CEP78: variants seen among roughly 807,000 people sequenced by gnomAD.
CEP78 encodes the protein centrosomal protein 78, also known as centrosomal protein of 78 kDa.
In CEP78, 76 loss-of-function variants were observed where a neutral mutation model predicts 81.2. That is an observed-to-expected ratio of 0.94 (90% CI 0.78 to 1.13). The LOEUF (loss-of-function observed/expected upper bound fraction) is 1.13. Ranked by LOEUF, CEP78 falls within the 50% of genes most tolerant of loss-of-function variation. The probability of loss-of-function intolerance (pLI) is 0.00; values close to 1 mark genes in which losing one functional copy is unlikely to be tolerated. For synonymous variants in CEP78, 293 were observed against 301.4 expected (o/e 0.97, Z 0.29); for missense variants, 918 against 846.8 (o/e 1.08, Z -1.04).
rs746668466 is a variant in CEP78, at chr9:78,266,517, G to A, written c.1921G>A (p.Gly641Ser). Residue 641 changes from glycine (G) to serine (S), a missense_variant, in exon 16 of 17, where the codon GGC (glycine) becomes AGC (serine). By Grantham distance (56) the Gly-to-Ser change is moderately conservative. Transcript: ENST00000643273. ...SFPVPVSTPE[G>S]LGTSSNNLGV... ...TCCTGTCCCAGTTTCTACTCCAGAG[G>A]GCTTAGGAACTTCCAGCAACAACCT... The A allele has an allele frequency of 6.8e-6, 11 of 1,613,664 alleles. No individual in the cohort carries two copies. Among genetic ancestry groups the A allele is most frequent in the Middle Eastern group, 1.6e-4 (1 of 6,084 alleles).
intron 16 of CEP78, among the ~76,000 whole-genome samples, chr9:78,268,771 C>G (rs892067986): frequency 1.3e-5 from 2 of 151,342 alleles, no homozygotes; most frequent in African/African-American, 4.9e-5. Context: ...CAAGCTCCGC[C>G]TCAGCCTCCC....
chr9:78,249,667 C>T (rs1302296368), intron 8 of CEP78: 1 of 150,310 alleles, frequency 6.7e-6, no homozygotes, highest in African/African-American at 2.4e-5. Flanking sequence ...TTTAAAGAGT[C>T]TTTAACTTTT....
At chr9:78,246,607 CA>C (rs1038372942) in intron 5 of CEP78, 61 bp from the exon 6 acceptor site, 2 of 1,079,768 alleles carry the variant, frequency 1.9e-6, no homozygotes, top group African/African-American at 1.6e-5. Flanking sequence ...CTCAAAAAAA[CA>C]AACAAACAAA....
intron 10 of CEP78, chr9:78,253,551 C>T (rs1438515921): frequency 2.8e-6 from 1 of 359,606 alleles, no homozygotes; most frequent in Non-Finnish European, 5.1e-6. Context: ...ATTTGACCAC[C>T]ATTTCTCACC....
chr9:78,253,413 G>C (rs1669524979), intron 10 of CEP78, 136 bp downstream of exon 10: 6 of 629,154 alleles, frequency 9.5e-6, no homozygotes, highest in Non-Finnish European at 2.9e-6. Context: ...AAAATTTTCT[G>C]GGTTCTCCCG....
At chr9:78,252,142 TA>T in intron 9 of CEP78, 99 bp downstream of exon 9, 1 of 1,103,058 alleles carries the variant, frequency 9.1e-7, no homozygotes, top group Non-Finnish European at 1.3e-6. Context: ...CTTATGTCTG[TA>T]GGGTAAAAAT....
intron 11 of CEP78, 122 bp downstream of exon 11, chr9:78,255,086 T>A (rs1826957560): frequency 1.5e-6 from 1 of 672,866 alleles, no homozygotes; most frequent in Non-Finnish European, 2.4e-6. Context: ...CTTCCTTCTA[T>A]CTCATATCCC....
intron 11 of CEP78, among the ~76,000 whole-genome samples, chr9:78,257,115 A>G (rs968322739): frequency 6.6e-6 from 1 of 152,084 alleles, no homozygotes. Flanking sequence ...CAAAAAAAAA[A>G]ACTATAAGAA....
Position 78,250,239 on chromosome 9 carries a change from G to A in CEP78, c.1069+1366G>A, listed in dbSNP as rs1244765392. The A allele has an allele frequency of 2.0e-5, 8 of 397,950 alleles. No individual in the cohort carries two copies. The East Asian group carries it at 2.9e-4, about 14-fold the overall frequency. The allele number at this position is 397,950 out of a possible 1,614,324, so 24.7% of individuals were successfully genotyped here. A position where few individuals can be genotyped will look rare whatever the true frequency, so the allele number is the denominator to read the frequency against. On this transcript the variant is annotated intron_variant, in intron 8 of 16. Coordinates refer to ENST00000643273, the MANE Select transcript of CEP78 (RefSeq NM_001330691.3). ...TATTTCTTGGGCTTTTTTTGTATTT[G>A]CCTCAGTAATTTGGAGACACAGAGG... is the stretch of plus-strand genomic sequence containing the variant.
chr9:78,264,310 A>T lies in CEP78; in HGVS notation c.1619A>T (p.Asp540Val), dbSNP rs1249025592. ...CATGCTTTCTTGGATCTCCTTAAAGATGCTGGGTTAGTTACTTTCTCCCTA... is the reference window on the plus strand; with the variant it reads ...CATGCTTTCTTGGATCTCCTTAAAGTTGCTGGGTTAGTTACTTTCTCCCTA... Reference protein sequence around the residue: ...KFHAFLDLLKDAGLGQLATMA... With the variant: ...KFHAFLDLLKVAGLGQLATMA... The change falls in exon 13 of 17, where the codon GAT (aspartate) becomes GTT (valine). Residue 540 changes from aspartate to valine, a missense_variant. Physicochemically the swap from Asp to Val is radical, Grantham distance 152. Transcript: ENST00000643273. 1.9e-6 allele frequency: 3 copies of T among 1,613,074 alleles called. No homozygotes were observed. Among genetic ancestry groups the T allele is most frequent in the East Asian group, 4.5e-5 (2 of 44,774 alleles).
rs1394402195 is a variant in CEP78 at position 78,237,053 on chromosome 9, T to G, written c.253+450T>G. ...TGGAATGCAGTGGCAAGATCTCGGC[T>G]CACTGCAACCTCCGCCTCCCGGGTT... On this transcript the variant is annotated intron_variant, in intron 1 of 16. Transcript: ENST00000643273. 2.2e-5 allele frequency among the ~76,000 whole-genome samples: 3 copies of G among 134,740 alleles called. No homozygotes were observed. In the East Asian group the frequency reaches 7.3e-4, roughly 33 times the overall value. The allele number at this position is 134,740 out of a possible 152,430, so 88.4% of individuals were successfully genotyped here.
intron 6 of CEP78, 114 bp from the exon 7 acceptor site, chr9:78,248,177 A>C: frequency 3.1e-4 from 202 of 661,196 alleles, no homozygotes; most frequent in Middle Eastern, 4.1e-4. Context: ...ATTATGTGGA[A>C]TTCATATTCA....
At chr9:78,253,812 G>T (rs974134083) in intron 10 of CEP78, 3 of 152,360 alleles carry the variant, frequency 2.0e-5, no homozygotes, top group African/African-American at 7.2e-5. Context: ...CTTTTCAGTT[G>T]TTTTTAGAGA....
chr9:78,246,639 A>G (rs1826496043), intron 5 of CEP78, 30 bp from the exon 6 acceptor site: 1 of 1,358,310 alleles, frequency 7.4e-7, no homozygotes, highest in Non-Finnish European at 1.0e-6. Flanking sequence ...GTATAGAATT[A>G]GCAAGTGACC....
Position 78,273,167 on chromosome 9 carries a change from T to A in CEP78, c.*2316T>A, listed in dbSNP as rs1827730167. 1 of 152,188 alleles carries A rather than the reference T, an allele frequency of 6.6e-6. No homozygotes were observed. The highest frequency in any genetic ancestry group is 1.5e-5 in the Non-Finnish European group (1 of 68,024). 9.4% of individuals were successfully genotyped at this position (152,188 alleles called of 1,614,324 possible). The stretch of plus-strand genomic sequence containing the variant: ...GCAAGATCAAGTTTTTTACTCATAA[T>A]AAACATGAACAGGTTAAATTCTGGA... On this transcript the variant is annotated 3_prime_UTR_variant, in exon 17 of 17. Transcript: ENST00000643273.
Position 78,276,890 on chromosome 9 carries a change from T to C in CEP78, c.*6039T>C, listed in dbSNP as rs780205799. ...CACAGTAAAGCTTTTTAAATGGATG[T>C]AATAACCTGATTATAACATTAATCT... is the stretch of plus-strand genomic sequence containing the variant. On this transcript the variant is annotated 3_prime_UTR_variant, in exon 17 of 17. Transcript: ENST00000643273. The C allele has an allele frequency of 7.2e-5, 11 of 152,200 alleles. No homozygotes were observed. Among genetic ancestry groups the C allele is most frequent in the Non-Finnish European group, 1.3e-4 (9 of 68,026 alleles). The allele number at this position is 152,200 out of a possible 1,614,324, so 9.4% of individuals were successfully genotyped here.
chr9:78,237,208 TGA>T (rs1825997746), intron 1 of CEP78, among the ~76,000 whole-genome samples: 1 of 151,950 alleles, frequency 6.6e-6, no homozygotes, highest in African/African-American at 2.4e-5. Context: ...CTCGAACTCC[TGA>T]CCTCAGGTGA....
chr9:78,271,913 CT>C lies in CEP78; in HGVS notation c.*1072del, dbSNP rs201745595. ...CTTTCTTTTCTTTTTTTCTTTTTTT[CT>C]TTTTTTTTTGAGACGGAGTCTCGCT... On this transcript the variant is annotated 3_prime_UTR_variant, in exon 17 of 17. Coordinates refer to ENST00000643273, the MANE Select transcript of CEP78 (RefSeq NM_001330691.3). 9.5e-5 allele frequency: 14 copies of C among 147,776 alleles called. No homozygotes were observed. The highest frequency in any genetic ancestry group is 2.0e-4 in the Admixed American group (3 of 14,902). 9.2% of individuals were successfully genotyped at this position (147,776 alleles called of 1,614,324 possible).
At position 78,276,219 on chromosome 9, in the gene CEP78, G is replaced by A. The variant is rs762798700; in HGVS notation, c.*5368G>A. On this transcript the variant is annotated 3_prime_UTR_variant, in exon 17 of 17. Coordinates refer to ENST00000643273, the MANE Select transcript of CEP78 (RefSeq NM_001330691.3). ...TGTACCAAAACATGCAAGATTGAGT[G>A]AAGAGTAACTCACTGTAGCTCACTA... 5.3e-5 allele frequency: 8 copies of A among 152,182 alleles called. No individual in the cohort carries two copies. Among genetic ancestry groups the A allele is most frequent in the Non-Finnish European group, 1.0e-4 (7 of 68,040 alleles). The allele number at this position is 152,182 out of a possible 1,614,324, so 9.4% of individuals were successfully genotyped here.
Sources: allele counts gnomAD v4.1 joint callset (sites outside exome capture counted in the v4.1 genomes callset), GRCh38; gene constraint gnomAD v4.1.1; transcripts MANE v1.5; gene names NCBI Gene and HGNC (gene_info 2026-07-23, HGNC 2026-07-21).